Variants in ANHX observed in about 807,000 individuals in gnomAD.
ANHX encodes anomalous homeobox.
A neutral mutation model predicts 38.9 loss-of-function variants in ANHX; 20 were observed. The observed-to-expected ratio is 0.51, with a 90% CI of 0.36 to 0.75. ANHX has a LOEUF of 0.75. Ranked by LOEUF, ANHX falls within the 30% of genes least tolerant of loss-of-function variation. ANHX has a pLI of 0.00. For missense variants in ANHX, 475 were observed against 493.1 expected, an observed-to-expected ratio of 0.96 and a Z score of 0.35; for synonymous variants, 185 against 203.1, an observed-to-expected ratio of 0.91 and a Z score of 0.76.
In ANHX at chr12:133,234,190, A is replaced by T; in HGVS notation, c.167T>A (p.Leu56Gln). ...ILDSQLRLHL[L>Q]DNADVALACA... ...CGCCAGGGCCACATCTGCGTTGTCC[A>T]GGAGATGCAGGCGGAGCTGGCTGTC... The change falls in exon 2 of 10, where the codon CTG becomes CAG. Residue 56 changes from leucine to glutamine, a missense_variant. Leu to Gln is a moderately radical substitution (Grantham distance 113). Coordinates refer to ENST00000545940, the MANE Select transcript of ANHX (RefSeq NM_001372060.1). 1 of 1,536,188 alleles carries T rather than the reference A, an allele frequency of 6.5e-7. No individual in the cohort carries two copies. Among genetic ancestry groups the T allele is most frequent in the Non-Finnish European group, 8.7e-7 (1 of 1,146,912 alleles).
chr12:133,225,324 C>CAT (rs954909641), intron 7 of ANHX, among the ~76,000 whole-genome samples: 1 of 147,374 alleles, frequency 6.8e-6, no homozygotes, highest in Non-Finnish European at 1.5e-5. Context: ...TACACACACA[C>CAT]ACACACACAC....
In ANHX at chr12:133,227,095, T is replaced by C. The variant is rs1292534806; in HGVS notation, c.559A>G (p.Asn187Asp). The C allele has an allele frequency of 1.3e-6, 2 of 1,536,038 alleles. No homozygotes were observed. Among genetic ancestry groups the C allele is most frequent in the East Asian group, 2.4e-5 (1 of 40,914 alleles). Residue 187 changes from asparagine to aspartate, a missense_variant, in exon 5 of 10, where the codon AAT becomes GAT. Physicochemically the swap from Asn to Asp is conservative, Grantham distance 23. Transcript: ENST00000545940. ...AGGGCTCTTTGGCGGCGCCGGTAAT[T>C]GGCAAACCAGTTGTACACCTGCTCA... is the stretch of plus-strand genomic sequence containing the variant. ...TPEQVYNWFA[N>D]YRRRQRALPQ...
intron 7 of ANHX, among the ~76,000 whole-genome samples, chr12:133,224,512 A>C (rs1184221245): frequency 6.6e-6 from 1 of 151,540 alleles, no homozygotes; most frequent in African/African-American, 2.4e-5. Flanking sequence ...AAATACAAAA[A>C]ATTAGCCGGG....
At chr12:133,228,502 C>T (rs540444244) in intron 3 of ANHX, among the ~76,000 whole-genome samples, 1 of 152,190 alleles carries the variant, frequency 6.6e-6, no homozygotes, top group Non-Finnish European at 1.5e-5. Context: ...TGCCACCCTG[C>T]ATGGCCACGC....
intron 2 of ANHX, among the ~76,000 whole-genome samples, chr12:133,232,091 C>T (rs187192822): frequency 5.3e-5 from 8 of 152,124 alleles, no homozygotes; most frequent in Non-Finnish European, 1.2e-4. Flanking sequence ...CCACATGGTG[C>T]GATTTGAGGG....
chr12:133,234,213 G>A lies in ANHX; in HGVS notation c.144C>T (p.Asp48=), dbSNP rs1957329408. ...CCAGGAGATGCAGGCGGAGCTGGCT[G>A]TCCAGAATGGCTGTGACCAAAGGCT... The part of the protein sequence containing the change: ...QLQPLVTAIL[D]SQLRLHLLDN... The change falls in exon 2 of 10, where the codon GAC becomes GAT. Residue 48 remains aspartate (D), a synonymous_variant. Coordinates refer to ENST00000545940, the MANE Select transcript of ANHX (RefSeq NM_001372060.1). 1 of 1,536,068 alleles carries A rather than the reference G, an allele frequency of 6.5e-7. No individual in the cohort carries two copies. The highest frequency in any genetic ancestry group is 8.7e-7 in the Non-Finnish European group (1 of 1,146,914).
rs4072582 is a variant in ANHX, at chr12:133,229,565, A to G, written c.378-1618T>C. Among the ~76,000 whole-genome samples the G allele has an allele frequency of 7.2e-4, 108 of 150,442 alleles. 2 individuals carry two copies. The highest frequency in any genetic ancestry group is 2.6e-3 in the African/African-American group (107 of 40,784). On this transcript the variant is annotated intron_variant, in intron 3 of 9. Transcript: ENST00000545940. ...GCCCATCAGCAAACCCCCCAGCTCC[A>G]CCTCCTGTGTCAGGGTACTGACACA... is the stretch of plus-strand genomic sequence containing the variant.
At chr12:133,225,968 A>G (rs1957183226) in intron 6 of ANHX, among the ~76,000 whole-genome samples, 140 bp from the exon 7 acceptor site, 1 of 151,642 alleles carries the variant, frequency 6.6e-6, no homozygotes, top group African/African-American at 2.4e-5. Context: ...CTCAATGAAA[A>G]GCAAAACAGA....
At chr12:133,232,249 C>CTCA in intron 2 of ANHX, among the ~76,000 whole-genome samples, 1 of 44,282 alleles carries the variant, frequency 2.3e-5, no homozygotes, top group Non-Finnish European at 4.6e-5. Context: ...CTGGACTTTG[C>CTCA]TGATGACGGA....
chr12:133,234,000 T>C, intron 2 of ANHX, 108 bp downstream of exon 2: 1 of 1,402,254 alleles, frequency 7.1e-7, no homozygotes. Flanking sequence ...CTCTGGCCAG[T>C]GGGTTCCTAC....
At chr12:133,226,177 C>T in intron 6 of ANHX, 141 bp downstream of exon 6, 1 of 1,363,768 alleles carries the variant, frequency 7.3e-7, no homozygotes, top group Non-Finnish European at 9.9e-7. Context: ...TTGCTGGTGG[C>T]TTCCCTCTCC....
chr12:133,226,892 C>G, intron 5 of ANHX, 44 bp downstream of exon 5: 1 of 1,459,672 alleles, frequency 6.9e-7, no homozygotes, highest in Non-Finnish European at 9.0e-7. Flanking sequence ...TGTCAGAAAC[C>G]AGCTCCCCGA....
At chr12:133,219,097 T>A in intron 9 of ANHX, 126 bp from the exon 10 acceptor site, 1 of 1,021,136 alleles carries the variant, frequency 9.8e-7, no homozygotes, top group Non-Finnish European at 1.4e-6. Flanking sequence ...GAGGGAATGT[T>A]GCCCCACAGC....
intron 7 of ANHX, among the ~76,000 whole-genome samples, chr12:133,222,428 G>A (rs949371054): frequency 3.3e-5 from 5 of 152,226 alleles, no homozygotes; most frequent in African/African-American, 9.6e-5. Context: ...CAGGGAACCC[G>A]AAGGCAGGGG....
chr12:133,222,255 C>T (rs1957117905), intron 7 of ANHX, among the ~76,000 whole-genome samples: 1 of 152,106 alleles, frequency 6.6e-6, no homozygotes, highest in Non-Finnish European at 1.5e-5. Context: ...ATTCTCTTTC[C>T]AAGAGAAAGG....
At chr12:133,235,597 G>A (rs1282404847) in intron 1 of ANHX, 1 of 79,500 alleles carries the variant, frequency 1.3e-5, no homozygotes, top group African/African-American at 4.8e-5. Flanking sequence ...CTCACCCTCC[G>A]GGGCCCCCCT....
At chr12:133,226,468 T>C (rs1294828795) in intron 5 of ANHX, 30 bp from the exon 6 acceptor site, 2 of 1,517,532 alleles carry the variant, frequency 1.3e-6, no homozygotes, top group East Asian at 4.9e-5. Flanking sequence ...AGGGGAGACT[T>C]AGTGAGGCTC....
chr12:133,235,511 T>A (rs1957359743), intron 1 of ANHX: 1 of 133,180 alleles, frequency 7.5e-6, no homozygotes, highest in East Asian at 2.2e-4. Context: ...CGCTGCTCCC[T>A]GCGGAGGCCG....
In ANHX at chr12:133,221,959, C is replaced by T; in HGVS notation, c.1133-607G>A. On this transcript the variant is annotated intron_variant, in intron 7 of 9. Coordinates refer to ENST00000545940, the MANE Select transcript of ANHX (RefSeq NM_001372060.1). The surrounding 1 kb of genome is among the most constrained non-coding windows in gnomAD (Gnocchi z 4.1). ...TTTTTCCTGCCCTGAGTCTACTAGG[C>T]TGTAAAACAAGCATTAAGATGGCCC... Among the ~76,000 whole-genome samples the T allele has an allele frequency of 6.6e-6, 1 of 152,124 alleles. No individual in the cohort carries two copies. The highest frequency in any genetic ancestry group is 2.1e-4 in the South Asian group (1 of 4,830).
Sources: allele counts gnomAD v4.1 joint callset (sites outside exome capture counted in the v4.1 genomes callset), GRCh38; gene constraint gnomAD v4.1.1; non-coding constraint Gnocchi (gnomAD v3.1); transcripts MANE v1.5; gene names NCBI Gene and HGNC (gene_info 2026-07-23, HGNC 2026-07-21).